Variants in SFXN5 observed in about 807,000 individuals in gnomAD.
SFXN5 encodes sideroflexin 5.
SFXN5 carries 43 observed loss-of-function variants against 50.2 expected under a neutral mutation model. The observed-to-expected ratio is 0.86, with a 90% CI of 0.67 to 1.11. The LOEUF is 1.11. Among genes scored for constraint, SFXN5 ranks in the 50% least tolerant of loss-of-function variants. The pLI is 0.00. For synonymous variants in SFXN5, 203 were observed against 185.8 expected (o/e 1.09, Z -0.75); for missense variants, 463 against 454.1 (o/e 1.02, Z -0.18).
At position 72,971,547 on chromosome 2, in the gene SFXN5, A is replaced by C. The variant is rs747612789; in HGVS notation, c.741+23T>G. ...CCCTCCCCTGTTGCTGGCCTCCCCA[A>C]CCCTGCGAACCCCCAGACCCACGTG... On this transcript the variant is annotated intron_variant, in intron 11 of 13. Coordinates refer to ENST00000272433, the MANE Select transcript of SFXN5 (RefSeq NM_144579.3). 2.3e-5 allele frequency: 36 copies of C among 1,592,960 alleles called. No homozygotes were observed. The South Asian group carries it at 3.8e-4, about 17-fold the overall frequency.
chr2:73,020,186 A>T, intron 6 of SFXN5, 53 bp downstream of exon 6: 4 of 1,533,272 alleles, frequency 2.6e-6, no homozygotes, highest in Middle Eastern at 1.7e-4. Flanking sequence ...ACATAAAGTT[A>T]GACATTTAAA....
In SFXN5 at chr2:73,000,432, T is replaced by C. The variant is rs894328858; in HGVS notation, c.467A>G (p.Lys156Arg). The C allele has an allele frequency of 1.7e-5, 26 of 1,556,942 alleles. No homozygotes were observed. In the East Asian group the frequency reaches 5.7e-4, roughly 34 times the overall value. The stretch of plus-strand genomic sequence containing the variant: ...TGGGGAGAGGGCAGTGATGCTCACC[T>C]TGGTCGCATTGCGGTTTGCATAGTT... Reference protein sequence around the residue: ...CVNYANRNATKPSPASKFIQG... With the variant: ...CVNYANRNATRPSPASKFIQG... The change falls in exon 8 of 14, where the codon AAG becomes AGG. Residue 156 changes from lysine (K) to arginine (R), a missense_variant and splice_region_variant. By Grantham distance (26) the Lys-to-Arg change is conservative (BLOSUM62 2). Coordinates refer to ENST00000272433, the MANE Select transcript of SFXN5 (RefSeq NM_144579.3).
intron 4 of SFXN5, 45 bp downstream of exon 4, chr2:73,023,143 C>T: frequency 6.3e-7 from 1 of 1,586,906 alleles, no homozygotes. Flanking sequence ...GGGTGGAGTC[C>T]AGGACAACAC....
chr2:72,984,081 G>C (rs1177399596), intron 10 of SFXN5, among the ~76,000 whole-genome samples: 1 of 152,224 alleles, frequency 6.6e-6, no homozygotes, highest in Non-Finnish European at 1.5e-5. Context: ...AAGAACTGGA[G>C]AATTAATTAA....
intron 2 of SFXN5, among the ~76,000 whole-genome samples, chr2:73,050,546 G>C (rs573179917): frequency 6.6e-6 from 1 of 152,292 alleles, no homozygotes; most frequent in South Asian, 2.1e-4. Context: ...CAATGTGCCA[G>C]AATACAGTGG....
At chr2:73,058,918 C>T (rs926188182) in intron 1 of SFXN5, 9 of 392,560 alleles carry the variant, frequency 2.3e-5, no homozygotes, top group African/African-American at 1.7e-4. Flanking sequence ...CATCCCTGGA[C>T]ATGTAGGCTG....
At position 73,020,245 on chromosome 2, in the gene SFXN5, C is replaced by T. The variant is rs552268994; in HGVS notation, c.351G>A (p.Thr117=). The T allele has an allele frequency of 3.7e-6, 6 of 1,613,788 alleles. No homozygotes were observed. In the East Asian group the frequency reaches 6.7e-5, roughly 18 times the overall value. Residue 117 remains threonine, a synonymous_variant, in exon 6 of 14, where the codon ACG becomes ACA. Transcript: ENST00000272433. ...CTTTGAAGGTAACACTTACAATTGG[C>T]GTCCCAAAAGGAATATAACCTGTGA... ...FRMSGYIPFG[T]PIVVGLLLPN...
chr2:73,032,964 G>A (rs1010530328), intron 3 of SFXN5, among the ~76,000 whole-genome samples: 3 of 152,056 alleles, frequency 2.0e-5, no homozygotes, highest in Admixed American at 6.6e-5. Context: ...ACAGACTCAC[G>A]AAAGAAGAGG....
At position 72,961,033 on chromosome 2, in the gene SFXN5, G is replaced by T; in HGVS notation, c.945+98C>A. Reference sequence around the variant, plus strand: ...TTCACGGTTCCAGCCCCAGCGCCTAGCATGGCGCTAAGGAGTCGGCACGGT... The same window carrying T: ...TTCACGGTTCCAGCCCCAGCGCCTATCATGGCGCTAAGGAGTCGGCACGGT... On this transcript the variant is annotated intron_variant, in intron 13 of 13. Coordinates refer to ENST00000272433, the MANE Select transcript of SFXN5 (RefSeq NM_144579.3). This position sits in a 1 kb window ranked among gnomAD's most constrained non-coding sequence, Gnocchi z 4.4. 1 of 861,856 alleles carries T rather than the reference G, an allele frequency of 1.2e-6. No homozygotes were observed. The highest frequency in any genetic ancestry group is 3.1e-5 in the East Asian group (1 of 32,492). The allele number at this position is 861,856 out of a possible 1,614,324, so 53.4% of individuals were successfully genotyped here. A position where few individuals can be genotyped will look rare whatever the true frequency, so the allele number is the denominator to read the frequency against.
intron 2 of SFXN5, among the ~76,000 whole-genome samples, chr2:73,053,858 G>A (rs1173695181): frequency 6.6e-6 from 1 of 152,094 alleles, no homozygotes; most frequent in East Asian, 1.9e-4. Flanking sequence ...CAGCTAAGCA[G>A]CAACCACCCC....
chr2:73,028,715 C>A (rs1327093603), intron 3 of SFXN5, among the ~76,000 whole-genome samples: 1 of 152,018 alleles, frequency 6.6e-6, no homozygotes, highest in Non-Finnish European at 1.5e-5. Flanking sequence ...ATTTGGAGGA[C>A]CCCAGTGAAA....
chr2:72,952,038 C>G (rs1672592594), intron 13 of SFXN5, among the ~76,000 whole-genome samples: 1 of 152,020 alleles, frequency 6.6e-6, no homozygotes, highest in Non-Finnish European at 1.5e-5. Flanking sequence ...AGGCATTAGG[C>G]TGGGGCTGGG....
chr2:72,981,047 G>C (rs1671243986), intron 10 of SFXN5: 1 of 152,214 alleles, frequency 6.6e-6, no homozygotes, highest in Non-Finnish European at 1.5e-5. Context: ...GGAAACAGGT[G>C]CCTTGGTCGC....
At chr2:72,964,273 C>T (rs545767490) in intron 12 of SFXN5, among the ~76,000 whole-genome samples, 1 of 152,356 alleles carries the variant, frequency 6.6e-6, no homozygotes, top group Admixed American at 6.5e-5. Context: ...GCTGTCCTGA[C>T]TCCCTCACCC....
At chr2:73,001,377 T>C in intron 7 of SFXN5, 148 bp downstream of exon 7, 1 of 746,912 alleles carries the variant, frequency 1.3e-6, no homozygotes, top group Non-Finnish European at 2.3e-6. Flanking sequence ...TGGTTTTCCT[T>C]CAGTGGCTTC....
intron 5 of SFXN5, chr2:73,020,827 G>A (rs1217745671): frequency 6.6e-6 from 1 of 152,384 alleles, no homozygotes; most frequent in Non-Finnish European, 1.5e-5. Flanking sequence ...CTGGGGTGAA[G>A]CGCAGCCAGG....
intron 3 of SFXN5, among the ~76,000 whole-genome samples, chr2:73,039,795 T>TTTATG (rs1679386099): frequency 6.6e-6 from 1 of 151,564 alleles, no homozygotes; most frequent in African/African-American, 2.4e-5. Context: ...TTTATTTTAT[T>TTTATG]TTATTTTATT....
intron 6 of SFXN5, among the ~76,000 whole-genome samples, chr2:73,015,945 GAA>G (rs1301182708): frequency 3.0e-5 from 3 of 100,862 alleles, no homozygotes; most frequent in Admixed American, 1.0e-4. Context: ...CTCCAAAAAA[GAA>G]AAAAAAAAAA....
intron 3 of SFXN5, among the ~76,000 whole-genome samples, chr2:73,039,368 T>A (rs2105917366): frequency 6.6e-6 from 1 of 152,248 alleles, no homozygotes; most frequent in East Asian, 1.9e-4. Context: ...AGTATGCCAA[T>A]GAAAAATCTG....
Sources: allele counts gnomAD v4.1 joint callset (sites outside exome capture counted in the v4.1 genomes callset), GRCh38; gene constraint gnomAD v4.1.1; non-coding constraint Gnocchi (gnomAD v3.1); transcripts MANE v1.5; gene names NCBI Gene and HGNC (gene_info 2026-07-23, HGNC 2026-07-21).